Variants in PTK2 observed in about 807,000 individuals in gnomAD.
PTK2 encodes protein tyrosine kinase 2.
A neutral mutation model predicts 150.1 loss-of-function variants in PTK2; 45 were observed. The observed-to-expected ratio is 0.30, with a 90% CI of 0.24 to 0.38. The LOEUF (loss-of-function observed/expected upper bound fraction) is 0.38. Among genes scored for constraint, PTK2 ranks in the 10% least tolerant of loss-of-function variants. The pLI, the probability that PTK2 is intolerant of heterozygous loss-of-function variation, is 1.00. For missense variants in PTK2, 919 were observed against 1,307.3 expected (o/e 0.70, Z 4.58); for synonymous variants, 432 against 449.2 (o/e 0.96, Z 0.48).
chr8:140,733,817 C>G (rs1266721752), intron 22 of PTK2, among the ~76,000 whole-genome samples: 1 of 152,060 alleles, frequency 6.6e-6, no homozygotes, highest in Non-Finnish European at 1.5e-5. Context: ...TAGAACCAGG[C>G]CGGTGTGTGA....
Position 140,766,504 on chromosome 8 carries a change from A to G in PTK2, c.1178-2214T>C, listed in dbSNP as rs114387765. Among the ~76,000 whole-genome samples, 987 of 152,272 alleles carry G rather than the reference A, an allele frequency of 6.5e-3. 16 individuals are homozygous for G. The highest frequency in any genetic ancestry group is 0.022 in the African/African-American group (909 of 41,550). Reference sequence around the variant, plus strand: ...TCATTACCTATAACAACCTGATATAATTTTGTTTCCTGTGAACTGTATGCC... The same window carrying G: ...TCATTACCTATAACAACCTGATATAGTTTTGTTTCCTGTGAACTGTATGCC... On this transcript the variant is annotated intron_variant, in intron 14 of 31. Coordinates refer to ENST00000522684, the Ensembl canonical transcript of PTK2.
At chr8:140,809,998 C>T (rs1293846396) in intron 10 of PTK2, among the ~76,000 whole-genome samples, 1 of 152,178 alleles carries the variant, frequency 6.6e-6, no homozygotes, top group African/African-American at 2.4e-5. Flanking sequence ...AGGAAAGACA[C>T]AGAAGCTGGG....
chr8:140,802,048 A>AT (rs532117653), intron 11 of PTK2, among the ~76,000 whole-genome samples: 127 of 149,224 alleles, frequency 8.5e-4, no homozygotes, highest in African/African-American at 2.4e-3. Context: ...TGTATTTACT[A>AT]TTTTTTTTTT....
chr8:140,836,185 G>A (rs1037824651), intron 7 of PTK2, among the ~76,000 whole-genome samples: 5 of 152,196 alleles, frequency 3.3e-5, no homozygotes, highest in African/African-American at 1.2e-4. Context: ...TTTTTGTGAC[G>A]AGAAACATTC....
At chr8:140,743,993 G>A (rs1315080792) in intron 19 of PTK2, among the ~76,000 whole-genome samples, 1 of 151,584 alleles carries the variant, frequency 6.6e-6, no homozygotes, top group Non-Finnish European at 1.5e-5. Flanking sequence ...TAGCCAGGAT[G>A]TTCTCGATCT....
In PTK2 at chr8:140,717,889, T is replaced by C. The variant is rs960141968; in HGVS notation, c.2031-180A>G. On this transcript the variant is annotated intron_variant, in intron 22 of 31. Transcript: ENST00000522684. The stretch of plus-strand genomic sequence containing the variant: ...AACTCTCCACGAAATGATTCTAGAA[T>C]AGCCTTGGTCCAAATGGGCAAGTCC... The C allele has an allele frequency of 1.2e-5, 6 of 507,790 alleles. No homozygotes were observed. The East Asian group carries it at 1.6e-4, about 14-fold the overall frequency. The allele number at this position is 507,790 out of a possible 1,614,324, so 31.5% of individuals were successfully genotyped here.
rs1429764425 is a variant in PTK2 at position 140,770,818 on chromosome 8, G to A, written c.1178-6528C>T. 4.9e-6 allele frequency: 6 copies of A among 1,212,392 alleles called. No individual in the cohort carries two copies. In the South Asian group the frequency reaches 7.0e-5, roughly 14 times the overall value. The allele number at this position is 1,212,392 out of a possible 1,614,324, so 75.1% of individuals were successfully genotyped here. A position where few individuals can be genotyped will look rare whatever the true frequency, so the allele number is the denominator to read the frequency against. ...CTGACTCCTTTATAAAGAGGCAAGAGGGGAAAGAGAAAAATAGAAACAAAT... is the reference window on the plus strand; with the variant it reads ...CTGACTCCTTTATAAAGAGGCAAGAAGGGAAAGAGAAAAATAGAAACAAAT... On this transcript the variant is annotated intron_variant, in intron 14 of 31. Transcript: ENST00000522684.
Position 140,738,971 on chromosome 8 carries a change from T to C in PTK2, c.1825+47A>G, listed in dbSNP as rs369241551. On this transcript the variant is annotated intron_variant, in intron 21 of 31. Transcript: ENST00000522684. ...AGAGATAATTTTTTTTTGTATAACATATGAAATATAATTTTTAAAGAATAC... is the reference window on the plus strand; with the variant it reads ...AGAGATAATTTTTTTTTGTATAACACATGAAATATAATTTTTAAAGAATAC... 2.6e-5 allele frequency: 34 copies of C among 1,303,492 alleles called. 1 individual carries two copies. Among genetic ancestry groups the C allele is most frequent in the Non-Finnish European group, 3.4e-5 (33 of 959,320 alleles). 80.7% of individuals were successfully genotyped at this position (1,303,492 alleles called of 1,614,324 possible).
At chr8:140,698,744 A>G (rs963319463) in intron 26 of PTK2, among the ~76,000 whole-genome samples, 7 of 152,086 alleles carry the variant, frequency 4.6e-5, no homozygotes, top group Non-Finnish European at 8.8e-5. Flanking sequence ...CCTCCTGAAT[A>G]GCTGGGATTA....
At chr8:140,844,331 T>C (rs2100124047) in intron 7 of PTK2, among the ~76,000 whole-genome samples, 1 of 152,224 alleles carries the variant, frequency 6.6e-6, no homozygotes, top group South Asian at 2.1e-4. Flanking sequence ...TAAATGTAGC[T>C]CATACGTTAG....
At chr8:140,897,443 T>C (rs1447262465) in intron 2 of PTK2, among the ~76,000 whole-genome samples, 2 of 152,214 alleles carry the variant, frequency 1.3e-5, no homozygotes, top group African/African-American at 4.8e-5. Flanking sequence ...ATCTGTGCTA[T>C]AAATTCTCAA....
At chr8:140,897,102 T>C (rs866380394) in intron 2 of PTK2, among the ~76,000 whole-genome samples, 1 of 152,258 alleles carries the variant, frequency 6.6e-6, no homozygotes, top group Middle Eastern at 3.4e-3. Context: ...AGAAAAGATA[T>C]GCTAGCAATG....
rs1441087799 is a variant in PTK2 at position 140,980,435 on chromosome 8, A to G, written c.-122+20690T>C. ...CAGGAGATCGAGACCATCCTGGCTA[A>G]CATGGTGAAACCCCGTCTCTACTAA... is the stretch of plus-strand genomic sequence containing the variant. On this transcript the variant is annotated intron_variant, in intron 1 of 31. Coordinates refer to ENST00000522684, the Ensembl canonical transcript of PTK2. 3.3e-5 allele frequency among the ~76,000 whole-genome samples: 5 copies of G among 152,212 alleles called. No homozygotes were observed. The East Asian group carries it at 7.8e-4, about 24-fold the overall frequency.
intron 22 of PTK2, among the ~76,000 whole-genome samples, chr8:140,728,041 CAA>C (rs746964063): frequency 1.3e-4 from 19 of 151,478 alleles, no homozygotes; most frequent in Non-Finnish European, 2.5e-4. Context: ...ACTAAAAATA[CAA>C]AAAAAAGTAG....
chr8:140,913,650 C>A (rs1294662389), intron 2 of PTK2, among the ~76,000 whole-genome samples: 5 of 152,036 alleles, frequency 3.3e-5, no homozygotes, highest in African/African-American at 1.2e-4. Context: ...TCAAAAAACA[C>A]CCAGACCACC....
intron 5 of PTK2, among the ~76,000 whole-genome samples, chr8:140,853,029 T>C (rs144215355): frequency 4.6e-5 from 7 of 152,296 alleles, no homozygotes; most frequent in Non-Finnish European, 8.8e-5. Context: ...CACACTGTTT[T>C]GATGGTAAAC....
At chr8:140,726,114 T>A (rs1052809948) in intron 22 of PTK2, among the ~76,000 whole-genome samples, 2 of 151,990 alleles carry the variant, frequency 1.3e-5, no homozygotes, top group South Asian at 2.1e-4. Flanking sequence ...GATGAAGTGA[T>A]CAGTAGGATG....
rs140972032 is a variant in PTK2 at position 140,922,536 on chromosome 8, G to C, written c.-33+3125C>G. 1.1e-4 allele frequency among the ~76,000 whole-genome samples: 17 copies of C among 152,248 alleles called. No individual in the cohort carries two copies. In the East Asian group the frequency reaches 2.9e-3, roughly 26 times the overall value. ...GCAAGCATATCTGACACACTCCTGT[G>C]AGAACGGACTGGAGTTTAATCTGAG... On this transcript the variant is annotated intron_variant, in intron 2 of 31. Transcript: ENST00000522684.
At chr8:140,659,677 A>G (rs773927621) in exon 32 of PTK2, 17 of 1,613,022 alleles carry the variant, frequency 1.1e-5, no homozygotes, top group Non-Finnish European at 1.4e-5. Context: ...TGCCATCTCA[A>G]TCTGAAAGAC....
Sources: gnomAD v4.1 joint callset for allele counts (sites outside exome capture counted in the v4.1 genomes callset) on GRCh38, gnomAD v4.1.1 for gene constraint, MANE v1.5 for transcripts, NCBI Gene and HGNC (gene_info 2026-07-23, HGNC 2026-07-21) for gene names.